The following NECAB3 variants were observed in gnomAD, a reference collection of about 807,000 sequenced individuals.
NECAB3 encodes the protein N-terminal EF-hand calcium binding protein 3, also known as N-terminal EF-hand calcium-binding protein 3.
In NECAB3, 38 loss-of-function variants were observed where a neutral mutation model predicts 57.2. That is an observed-to-expected ratio of 0.66 (90% CI 0.51 to 0.87). NECAB3 has a LOEUF of 0.87. Among genes scored for constraint, NECAB3 ranks in the 40% least tolerant of loss-of-function variants. The pLI is 0.00. For synonymous variants in NECAB3, 223 were observed against 222.6 expected (o/e 1.00, Z -0.02); for missense variants, 474 against 527.5 (o/e 0.90, Z 0.99).
chr20:33,664,016 C>A, intron 5 of NECAB3: 1 of 642,114 alleles, frequency 1.6e-6, no homozygotes, highest in Non-Finnish European at 2.4e-6. Context: ...GAAGGCAGAG[C>A]CATCGCCACG....
intron 5 of NECAB3, chr20:33,663,351 C>T (rs1184324630): frequency 4.8e-6 from 3 of 625,808 alleles, no homozygotes; most frequent in Admixed American, 3.5e-5. Context: ...GAAGGGCGGG[C>T]TTCCCCGCGG....
chr20:33,674,540 C>T (rs2122535119), upstream of NECAB3: 2 of 453,604 alleles, frequency 4.4e-6, no homozygotes, highest in African/African-American at 2.1e-5. Context: ...CGCGGGCCTC[C>T]GCGCTTCCGC....
chr20:33,670,715 G>C lies in NECAB3; in HGVS notation c.232C>G (p.Leu78Val). Reference protein sequence around the residue: ...GVLSLGELQELFSGIDGHLTD... With the variant: ...GVLSLGELQEVFSGIDGHLTD... ...AGATGCCCATCAATGCCGCTGAACA[G>C]TTCCTGCAGCTCCCCCAGGCTGAGA... is the stretch of plus-strand genomic sequence containing the variant. The change falls in exon 3 of 12, where the codon CTG becomes GTG. Residue 78 changes from leucine (L) to valine (V), a missense_variant. Coordinates refer to ENST00000246190, the MANE Select transcript of NECAB3 (RefSeq NM_031232.4). The C allele has an allele frequency of 6.2e-7, 1 of 1,614,046 alleles. No individual in the cohort carries two copies. The highest frequency in any genetic ancestry group is 8.5e-7 in the Non-Finnish European group (1 of 1,179,946).
Position 33,657,994 on chromosome 20 carries a change from G to A in NECAB3, c.1110C>T (p.Ile370=). Reference sequence around the variant, plus strand: ...CCGGGGCCCGCAGGTGGTCGATGAGGATGCGCTGGAAGGCCTTGCTGCCAG... The same window carrying A: ...CCGGGGCCCGCAGGTGGTCGATGAGAATGCGCTGGAAGGCCTTGCTGCCAG... ...QSPGSKAFQR[I]LIDHLRAPDT... Residue 370 remains isoleucine, a synonymous_variant, in exon 11 of 12, where the codon ATC becomes ATT. Coordinates refer to ENST00000246190, the MANE Select transcript of NECAB3 (RefSeq NM_031232.4). 1 of 1,555,854 alleles carries A rather than the reference G, an allele frequency of 6.4e-7. No individual in the cohort carries two copies. Among genetic ancestry groups the A allele is most frequent in the Non-Finnish European group, 8.7e-7 (1 of 1,149,584 alleles).
chr20:33,663,202 G>T (rs1267145748), intron 5 of NECAB3, among the ~76,000 whole-genome samples: 1 of 152,240 alleles, frequency 6.6e-6, no homozygotes, highest in African/African-American at 2.4e-5. Context: ...TGGACCAGGC[G>T]GGGGTGGGAG....
intron 4 of NECAB3, 102 bp from the exon 5 acceptor site, chr20:33,669,574 T>C (rs1041570141): frequency 1.0e-5 from 16 of 1,544,796 alleles, no homozygotes; most frequent in African/African-American, 4.1e-5. Flanking sequence ...GCAGGCCTTA[T>C]ATCCTGAGCC....
intron 3 of NECAB3, 143 bp downstream of exon 3, chr20:33,670,541 C>A (rs975662479): frequency 6.7e-5 from 38 of 564,356 alleles, no homozygotes; most frequent in South Asian, 3.1e-4. Context: ...GGTAGGCAGG[C>A]GGGTAAAGTT....
At chr20:33,663,664 A>G (rs1568896306) in intron 5 of NECAB3, 3 of 1,574,816 alleles carry the variant, frequency 1.9e-6, no homozygotes, top group African/African-American at 1.4e-5. Context: ...GGGCGAAGGT[A>G]GCGAGCGCGA....
At chr20:33,673,635 T>G (rs1601179956) in intron 1 of NECAB3, among the ~76,000 whole-genome samples, 7 of 146,690 alleles carry the variant, frequency 4.8e-5, no homozygotes, top group African/African-American at 7.7e-5. Context: ...GGGGAGGGGG[T>G]GGGAGACAGC....
In NECAB3 at chr20:33,660,282, C is replaced by T. The variant is rs146604647; in HGVS notation, c.501G>A (p.Leu167=). ...ACCGCCAGCCATGGGCCTGGGCCTC[C>T]AGGGTATCTGACGCCCCCTCCAGCG... ...QSSLEGASDT[L]EAQAHGWRSD... is the part of the protein sequence containing the mutation. The change falls in exon 6 of 12, where the codon CTG becomes CTA. Residue 167 remains leucine, a synonymous_variant. Coordinates refer to ENST00000246190, the MANE Select transcript of NECAB3 (RefSeq NM_031232.4). This position sits in a 1 kb window ranked among gnomAD's most constrained non-coding sequence, Gnocchi z 4.1. The T allele has an allele frequency of 3.5e-4, 568 of 1,613,222 alleles. 4 individuals carry two copies. In the African/African-American group the frequency reaches 6.6e-3, roughly 19 times the overall value.
intron 5 of NECAB3, chr20:33,663,319 G>A (rs1370725221): frequency 9.8e-5 from 56 of 570,982 alleles, no homozygotes; most frequent in Non-Finnish European, 1.2e-4. Context: ...GAAAGGAGGC[G>A]GAGTCCGGGG....
chr20:33,673,634 G>A (rs1278955761), intron 1 of NECAB3, among the ~76,000 whole-genome samples: 2 of 152,128 alleles, frequency 1.3e-5, no homozygotes, highest in Non-Finnish European at 2.9e-5. Context: ...TGGGGAGGGG[G>A]TGGGAGACAG....
At chr20:33,666,241 G>A (rs972190149) in intron 5 of NECAB3, among the ~76,000 whole-genome samples, 2 of 152,162 alleles carry the variant, frequency 1.3e-5, no homozygotes, top group African/African-American at 4.8e-5. Flanking sequence ...GGGAGGGGTA[G>A]GGGGCCACAC....
Position 33,668,530 on chromosome 20 carries a change from T to C in NECAB3, c.387+845A>G, listed in dbSNP as rs531473051. 10 of 347,978 alleles carry C rather than the reference T, an allele frequency of 2.9e-5. No homozygotes were observed. In the South Asian group the frequency reaches 1.0e-3, roughly 36 times the overall value. 21.6% of individuals were successfully genotyped at this position (347,978 alleles called of 1,614,324 possible). On this transcript the variant is annotated intron_variant, in intron 5 of 11. Transcript: ENST00000246190. ...GCCCCACTTGTGTCCATGCCACAGA[T>C]ATGGGAGTTCCTCCAAACCCTCGTC...
chr20:33,661,314 T>A (rs191677443), intron 5 of NECAB3, among the ~76,000 whole-genome samples: 15 of 152,100 alleles, frequency 9.9e-5, no homozygotes, highest in Non-Finnish European at 1.9e-4. Context: ...CACACACGCA[T>A]CAGGGTGGGA....
At chr20:33,668,397 G>C (rs2017748290) in intron 5 of NECAB3, 1 of 1,012,380 alleles carries the variant, frequency 9.9e-7, no homozygotes, top group Admixed American at 3.3e-5. Context: ...GGACCCATGG[G>C]ACCCTCATTT....
chr20:33,667,511 C>T, intron 5 of NECAB3: 2 of 1,522,332 alleles, frequency 1.3e-6, no homozygotes, highest in East Asian at 4.8e-5. Flanking sequence ...GCTAGCACCG[C>T]GTTGCTGGCG....
At chr20:33,663,263 C>T (rs1399483467) in intron 5 of NECAB3, 5 of 529,920 alleles carry the variant, frequency 9.4e-6, no homozygotes, top group South Asian at 7.3e-5. Context: ...TAAACTTAGA[C>T]GGAGCTGGTC....
intron 5 of NECAB3, chr20:33,667,767 C>T: frequency 6.2e-7 from 1 of 1,612,590 alleles, no homozygotes; most frequent in South Asian, 1.1e-5. Flanking sequence ...TGTCCCTGGA[C>T]TTCGAGGGCG....
Sources: gnomAD v4.1 joint callset for allele counts (sites outside exome capture counted in the v4.1 genomes callset) on GRCh38, gnomAD v4.1.1 for gene constraint, Gnocchi (gnomAD v3.1) non-coding constraint, MANE v1.5 for transcripts, NCBI Gene and HGNC (gene_info 2026-07-23, HGNC 2026-07-21) for gene names.